EPC2: variants seen among roughly 807,000 people sequenced by gnomAD.
EPC2 encodes the protein enhancer of polycomb homolog 2.
A neutral mutation model predicts 92.1 loss-of-function variants in EPC2; 14 were observed. The observed-to-expected ratio is 0.15, with a 90% CI of 0.10 to 0.24. The LOEUF is 0.24. Among genes scored for constraint, EPC2 ranks in the 10% least tolerant of loss-of-function variants. EPC2 has a pLI of 1.00. For synonymous variants in EPC2, 340 were observed against 334.7 expected, an observed-to-expected ratio of 1.02 and a Z score of -0.17; for missense variants, 755 against 971.5, an observed-to-expected ratio of 0.78 and a Z score of 2.96.
chr2:148,775,701 T>TTTA (rs1414189667), intron 10 of EPC2, among the ~76,000 whole-genome samples: 1,490 of 137,906 alleles, frequency 0.011, 22 homozygotes, highest in African/African-American at 0.035. Context: ...TAAAATTAAA[T>TTTA]ATCTTTATTA....
chr2:148,653,465 G>C (rs1680725020), intron 1 of EPC2, among the ~76,000 whole-genome samples: 2 of 152,314 alleles, frequency 1.3e-5, no homozygotes, highest in South Asian at 4.1e-4. Context: ...ATTTAAATGG[G>C]ACAGAGCTTT....
chr2:148,706,899 A>G (rs1682012157), intron 2 of EPC2, among the ~76,000 whole-genome samples: 1 of 152,130 alleles, frequency 6.6e-6, no homozygotes, highest in African/African-American at 2.4e-5. Flanking sequence ...AAAACATGCC[A>G]AATTGTAAAG....
chr2:148,741,105 A>G (rs1046924759), intron 2 of EPC2, among the ~76,000 whole-genome samples: 1 of 152,188 alleles, frequency 6.6e-6, no homozygotes, highest in Non-Finnish European at 1.5e-5. Flanking sequence ...AATATTTTAA[A>G]TGAATCATAC....
chr2:148,718,262 G>A (rs1194233662), intron 2 of EPC2, among the ~76,000 whole-genome samples: 2 of 152,168 alleles, frequency 1.3e-5, no homozygotes, highest in Non-Finnish European at 2.9e-5. Context: ...GAATTCTTAT[G>A]TGCGGATTTG....
At chr2:148,689,065 G>A (rs1407194097) in intron 1 of EPC2, among the ~76,000 whole-genome samples, 1 of 152,182 alleles carries the variant, frequency 6.6e-6, no homozygotes, top group African/African-American at 2.4e-5. Context: ...TTTGAAAGCA[G>A]ACCGTTTGGA....
rs1680713869 is a variant in EPC2 at position 148,652,753 on chromosome 2, T to TAAC, written c.153+7583_153+7584insAAC. On this transcript the variant is annotated intron_variant, in intron 1 of 13. Coordinates refer to ENST00000258484, the MANE Select transcript of EPC2 (RefSeq NM_015630.4). ...TTAATACTGCTGAGATCCTGTCAAT[T>TAAC]TGGCTTATCGTTCTTTTATGAGGAT... 2.0e-5 allele frequency among the ~76,000 whole-genome samples: 3 copies of TAAC among 152,350 alleles called. No homozygotes were observed. The South Asian group carries it at 6.2e-4, about 32-fold the overall frequency.
intron 2 of EPC2, among the ~76,000 whole-genome samples, chr2:148,726,424 C>G (rs1682494606): frequency 6.6e-6 from 1 of 152,112 alleles, no homozygotes; most frequent in Non-Finnish European, 1.5e-5. Context: ...TACATTCTTA[C>G]CAGCAGTGCA....
chr2:148,662,563 A>G (rs1680960146), intron 1 of EPC2, among the ~76,000 whole-genome samples: 1 of 152,162 alleles, frequency 6.6e-6, no homozygotes, highest in South Asian at 2.1e-4. Flanking sequence ...AAACTATCGC[A>G]AGGACAAAAA....
At chr2:148,723,329 G>A (rs553023324) in intron 2 of EPC2, among the ~76,000 whole-genome samples, 7 of 152,310 alleles carry the variant, frequency 4.6e-5, no homozygotes, top group South Asian at 2.1e-4. Flanking sequence ...TGAGAACATG[G>A]TTGAGTTCTT....
In EPC2 at chr2:148,771,268, A is replaced by G; in HGVS notation, c.1601A>G (p.Asn534Ser). 2 of 1,614,012 alleles carry G rather than the reference A, an allele frequency of 1.2e-6. No homozygotes were observed. The highest frequency in any genetic ancestry group is 1.7e-6 in the Non-Finnish European group (2 of 1,179,872). Residue 534 changes from asparagine to serine, a missense_variant, in exon 10 of 14, where the codon AAT (asparagine) becomes AGT (serine). Transcript: ENST00000258484. ...RLQCFQPRLL[N>S]LQDSDSEECT... ...CAGTGTTTCCAGCCAAGGCTACTAA[A>G]TTTACAGGACAGTGATAGTGAAGAA...
At chr2:148,676,808 C>T (rs1365231474) in intron 1 of EPC2, among the ~76,000 whole-genome samples, 1 of 147,102 alleles carries the variant, frequency 6.8e-6, no homozygotes, top group East Asian at 2.0e-4. Context: ...CTCTGTCTCT[C>T]TTTTTGTCTT....
intron 10 of EPC2, among the ~76,000 whole-genome samples, chr2:148,780,223 T>C (rs910838203): frequency 1.8e-4 from 27 of 152,104 alleles, no homozygotes; most frequent in African/African-American, 5.8e-4. Context: ...CAGTTTTGAG[T>C]CTTTTAAAAA....
chr2:148,654,088 A>G lies in EPC2; in HGVS notation c.153+8918A>G, dbSNP rs551764223. On this transcript the variant is annotated intron_variant, in intron 1 of 13. Transcript: ENST00000258484. ...TCAGCTTCCCAAGTAGCTTGGGACT[A>G]TAGGCACACGCCACCACGCCCAGCT... Among the ~76,000 whole-genome samples, 4 of 151,834 alleles carry G rather than the reference A, an allele frequency of 2.6e-5. 1 individual carries two copies. The South Asian group carries it at 8.3e-4, about 32-fold the overall frequency.
At chr2:148,709,284 C>G (rs1682079345) in intron 2 of EPC2, among the ~76,000 whole-genome samples, 1 of 152,116 alleles carries the variant, frequency 6.6e-6, no homozygotes, top group African/African-American at 2.4e-5. Context: ...ATCCAACTTA[C>G]AAGGGATGTG....
At chr2:148,650,156 A>C (rs938046167) in intron 1 of EPC2, among the ~76,000 whole-genome samples, 1 of 152,168 alleles carries the variant, frequency 6.6e-6, no homozygotes, top group African/African-American at 2.4e-5. Context: ...ATATATTCCA[A>C]GTGCCTGGAA....
At chr2:148,724,587 A>G (rs1682454682) in intron 2 of EPC2, among the ~76,000 whole-genome samples, 1 of 152,162 alleles carries the variant, frequency 6.6e-6, no homozygotes, top group Non-Finnish European at 1.5e-5. Context: ...GAATTGGAGA[A>G]TATTGTAGCT....
Position 148,644,958 on chromosome 2 carries a change from C to T in EPC2, c.-60C>T, listed in dbSNP as rs1683762337. 2.1e-6 allele frequency: 3 copies of T among 1,422,150 alleles called. No homozygotes were observed. The highest frequency in any genetic ancestry group is 4.0e-5 in the Admixed American group (2 of 50,396). The allele number at this position is 1,422,150 out of a possible 1,614,324, so 88.1% of individuals were successfully genotyped here. On this transcript the variant is annotated 5_prime_UTR_variant, in exon 1 of 14. Coordinates refer to ENST00000258484, the MANE Select transcript of EPC2 (RefSeq NM_015630.4). ...GGTGGAGGAGGCGGCGGGAGTCCTC[C>T]CCCCCTCCCCGCCCGCCCCGCCGCC...
chr2:148,702,126 T>C (rs1681901489), intron 2 of EPC2, among the ~76,000 whole-genome samples: 1 of 152,182 alleles, frequency 6.6e-6, no homozygotes, highest in Admixed American at 6.5e-5. Context: ...TATTCAGTGT[T>C]ACTGATCTTT....
chr2:148,762,302 G>T lies in EPC2; in HGVS notation c.816-368G>T, dbSNP rs932344166. 1.7e-5 allele frequency: 3 copies of T among 180,392 alleles called. No homozygotes were observed. The East Asian group carries it at 4.7e-4, about 28-fold the overall frequency. The allele number at this position is 180,392 out of a possible 1,614,324, so 11.2% of individuals were successfully genotyped here. On this transcript the variant is annotated intron_variant, in intron 5 of 13. Coordinates refer to ENST00000258484, the MANE Select transcript of EPC2 (RefSeq NM_015630.4). ...TTTTCTGAGTAGGTAGACATTTTTCGTTTCAACTCCTTTTAGAAATGTGTG... is the reference window on the plus strand; with the variant it reads ...TTTTCTGAGTAGGTAGACATTTTTCTTTTCAACTCCTTTTAGAAATGTGTG...
Sources: gnomAD v4.1 joint callset for allele counts (sites outside exome capture counted in the v4.1 genomes callset) on GRCh38, gnomAD v4.1.1 for gene constraint, MANE v1.5 for transcripts, NCBI Gene and HGNC (gene_info 2026-07-23, HGNC 2026-07-21) for gene names.